Variants in UGT1A8 observed in about 807,000 individuals in gnomAD.
UGT1A8 encodes the protein UDP glucuronosyltransferase family 1 member A8, also known as UDP-glucuronosyltransferase 1A8.
Under a neutral mutation model 45.3 loss-of-function variants are expected in UGT1A8, and 39 were observed. The ratio of observed to expected loss-of-function variants is 0.86; its 90% CI spans 0.67 to 1.12. UGT1A8 has a LOEUF of 1.12. Among genes scored for constraint, UGT1A8 ranks in the 50% most tolerant of loss-of-function variants. The pLI is 0.00. For synonymous variants in UGT1A8, 275 were observed against 249.2 expected, an observed-to-expected ratio of 1.10 and a Z score of -0.97; for missense variants, 719 against 664.9, an observed-to-expected ratio of 1.08 and a Z score of -0.90.
At chr2:233,650,988 A>T (rs1317929807) in intron 1 of UGT1A8, among the ~76,000 whole-genome samples, 1 of 152,202 alleles carries the variant, frequency 6.6e-6, no homozygotes, top group Admixed American at 6.5e-5. Flanking sequence ...TGTCTCACAC[A>T]TCGGCAGCTG....
intron 1 of UGT1A8, chr2:233,743,981 G>GC: frequency 1.5e-6 from 2 of 1,297,888 alleles, no homozygotes; most frequent in Non-Finnish European, 2.0e-6. Flanking sequence ...CAGCACCCAG[G>GC]CGCAGGCCCG....
chr2:233,713,528 T>C (rs1471082533), intron 1 of UGT1A8: 7 of 1,613,924 alleles, frequency 4.3e-6, no homozygotes, highest in Admixed American at 3.3e-5. Flanking sequence ...TTCCATGTGA[T>C]TTAGACTTTA....
At chr2:233,696,304 T>A (rs777870928) in intron 1 of UGT1A8, among the ~76,000 whole-genome samples, 2 of 152,196 alleles carry the variant, frequency 1.3e-5, no homozygotes, top group Non-Finnish European at 2.9e-5. Context: ...TCGTGAAATA[T>A]ATATTTGGTC....
Position 233,636,878 on chromosome 2 carries a change from T to A in UGT1A8, c.855+18316T>A, listed in dbSNP as rs769350936. Reference sequence around the variant, plus strand: ...AGTTCATCCAGTGGTTTTCTTGACTTATTTTTTTCGCATTGCAGGAGTTTG... The same window carrying A: ...AGTTCATCCAGTGGTTTTCTTGACTAATTTTTTTCGCATTGCAGGAGTTTG... On this transcript the variant is annotated intron_variant, in intron 1 of 4. Transcript: ENST00000373450. 3.0e-5 allele frequency: 48 copies of A among 1,614,026 alleles called. No individual in the cohort carries two copies. In the Admixed American group the frequency reaches 8.0e-4, roughly 27 times the overall value.
intron 1 of UGT1A8, among the ~76,000 whole-genome samples, chr2:233,698,359 G>A (rs17863784): frequency 0.048 from 7,312 of 152,282 alleles, 193 homozygotes; most frequent in Non-Finnish European, 0.059. Context: ...TGAATGTGCT[G>A]AATGCCATGA....
intron 1 of UGT1A8, among the ~76,000 whole-genome samples, chr2:233,727,747 T>C (rs1157113585): frequency 2.0e-5 from 3 of 152,214 alleles, no homozygotes; most frequent in African/African-American, 7.2e-5. Flanking sequence ...ATCCTGCGTG[T>C]GCTGCCCTTG....
intron 1 of UGT1A8, among the ~76,000 whole-genome samples, chr2:233,634,770 G>A (rs560977950): frequency 4.0e-5 from 6 of 151,064 alleles, no homozygotes; most frequent in African/African-American, 9.8e-5. Flanking sequence ...GCCAGTCTGT[G>A]TCTTTTAATT....
chr2:233,721,828 C>A, intron 1 of UGT1A8: 1 of 516,354 alleles, frequency 1.9e-6, no homozygotes, highest in South Asian at 1.4e-5. Context: ...CTATTTGGGC[C>A]ACCGACCTTG....
intron 1 of UGT1A8, among the ~76,000 whole-genome samples, chr2:233,698,748 A>C (rs12988520): frequency 0.51 from 77,361 of 152,166 alleles, 20,265 homozygotes; most frequent in South Asian, 0.59. Flanking sequence ...TTTTTACATA[A>C]TGCTATGATT....
At chr2:233,678,668 T>C (rs143188030) in intron 1 of UGT1A8, among the ~76,000 whole-genome samples, 4 of 152,336 alleles carry the variant, frequency 2.6e-5, no homozygotes, top group African/African-American at 4.8e-5. Flanking sequence ...CTATGAGGCT[T>C]GTATTGTGTA....
intron 1 of UGT1A8, chr2:233,682,432 T>C (rs1339746239): frequency 6.8e-6 from 11 of 1,613,962 alleles, no homozygotes; most frequent in South Asian, 1.1e-5. Context: ...CCCTCCCCTC[T>C]GTGGTCTTCG....
chr2:233,700,299 A>T (rs888595799), intron 1 of UGT1A8, among the ~76,000 whole-genome samples: 1 of 152,336 alleles, frequency 6.6e-6, no homozygotes, highest in East Asian at 1.9e-4. Flanking sequence ...ACTTAGGCCA[A>T]TGTCTACAAT....
chr2:233,728,258 A>G (rs1381126845), intron 1 of UGT1A8, among the ~76,000 whole-genome samples: 1 of 152,204 alleles, frequency 6.6e-6, no homozygotes, highest in East Asian at 1.9e-4. Flanking sequence ...GATGACTGAA[A>G]TAAAGACTGG....
At chr2:233,762,750 TA>T (rs777496065) in intron 1 of UGT1A8, among the ~76,000 whole-genome samples, 22 of 152,278 alleles carry the variant, frequency 1.4e-4, no homozygotes, top group East Asian at 1.9e-4. Flanking sequence ...GTGAATGTGT[TA>T]TTTTTTTGCA....
chr2:233,657,460 A>G (rs909057153), intron 1 of UGT1A8, among the ~76,000 whole-genome samples: 6 of 152,178 alleles, frequency 3.9e-5, no homozygotes, highest in African/African-American at 1.4e-4. Flanking sequence ...CAAGAGAAAA[A>G]GGAGGGGTTG....
chr2:233,700,870 T>C (rs979939494), intron 1 of UGT1A8, among the ~76,000 whole-genome samples: 10 of 148,434 alleles, frequency 6.7e-5, no homozygotes, highest in South Asian at 2.3e-4. Flanking sequence ...TATCCCTCCC[T>C]CCTCCCCCCA....
At chr2:233,620,874 A>C (rs2072991645) in intron 1 of UGT1A8, among the ~76,000 whole-genome samples, 2 of 152,216 alleles carry the variant, frequency 1.3e-5, no homozygotes, top group South Asian at 4.1e-4. Flanking sequence ...GCAGTTGGTT[A>C]CATCTTGCTG....
chr2:233,724,330 CG>C (rs1206363001), intron 1 of UGT1A8, among the ~76,000 whole-genome samples: 3 of 121,984 alleles, frequency 2.5e-5, no homozygotes, highest in Non-Finnish European at 3.5e-5. Context: ...GCTGGCCAGG[CG>C]GGGGGCTGAC....
chr2:233,711,924 T>G (rs1042429850), intron 1 of UGT1A8, among the ~76,000 whole-genome samples: 1 of 152,216 alleles, frequency 6.6e-6, no homozygotes, highest in African/African-American at 2.4e-5. Context: ...GCTCAGGGTC[T>G]CTCCATTAGA....
Sources: gnomAD v4.1 joint callset for allele counts (sites outside exome capture counted in the v4.1 genomes callset) on GRCh38, gnomAD v4.1.1 for gene constraint, MANE v1.5 for transcripts, NCBI Gene and HGNC (gene_info 2026-07-23, HGNC 2026-07-21) for gene names.